The following DOK6 variants were observed in gnomAD, a reference collection of about 807,000 sequenced individuals.
DOK6 encodes the protein docking protein 6.
DOK6 carries 22 observed loss-of-function variants against 44.0 expected under a neutral mutation model. That is an observed-to-expected ratio of 0.50 (90% CI 0.36 to 0.71). The LOEUF is 0.71. Among genes scored for constraint, DOK6 ranks in the 30% least tolerant of loss-of-function variants. DOK6 has a pLI of 0.00. For synonymous variants in DOK6, 166 were observed against 145.5 expected (o/e 1.14, Z -1.01); for missense variants, 340 against 416.4 (o/e 0.82, Z 1.60).
At position 69,563,193 on chromosome 18, in the gene DOK6, A is replaced by T. The variant is rs1387531573; in HGVS notation, c.67-1294A>T. Among the ~76,000 whole-genome samples, 6 of 152,230 alleles carry T rather than the reference A, an allele frequency of 3.9e-5. No homozygotes were observed. The East Asian group carries it at 1.2e-3, about 29-fold the overall frequency. ...TGTGGAGAAATAGGAACACTTTTAC[A>T]CTGTTGGTGGGACTGTAAACTAGTT... On this transcript the variant is annotated intron_variant, in intron 1 of 7. Transcript: ENST00000382713.
Position 69,841,252 on chromosome 18 carries a change from T to C in DOK6, c.865T>C (p.Phe289Leu), listed in dbSNP as rs770208685. Reference protein sequence around the residue: ...GEIYSLQGHGFGSSKMSRAQT... With the variant: ...GEIYSLQGHGLGSSKMSRAQT... Reference sequence around the variant, plus strand: ...CCTTTCTTCCTCTCTAGGTCATGGGTTTGGTTCGTCAAAGATGTCTCGTGC... The same window carrying C: ...CCTTTCTTCCTCTCTAGGTCATGGGCTTGGTTCGTCAAAGATGTCTCGTGC... The change falls in exon 8 of 8, where the codon TTT (phenylalanine) becomes CTT (leucine). Residue 289 changes from phenylalanine to leucine, a missense_variant. Transcript: ENST00000382713. 4 of 1,614,194 alleles carry C rather than the reference T, an allele frequency of 2.5e-6. No individual in the cohort carries two copies. In the East Asian group the frequency reaches 8.9e-5, roughly 36 times the overall value.
intron 3 of DOK6, among the ~76,000 whole-genome samples, chr18:69,612,520 T>C (rs1487910230): frequency 5.7e-5 from 6 of 106,084 alleles, no homozygotes; most frequent in African/African-American, 2.2e-4. Flanking sequence ...CTCGTCTGCC[T>C]ACCCCAGCCT....
intron 3 of DOK6, among the ~76,000 whole-genome samples, chr18:69,673,464 T>C (rs1250250998): frequency 6.6e-6 from 1 of 152,182 alleles, no homozygotes; most frequent in African/African-American, 2.4e-5. Flanking sequence ...CATGTCACTG[T>C]ATTGTAAGAC....
intron 7 of DOK6, among the ~76,000 whole-genome samples, chr18:69,804,953 A>C (rs980545126): frequency 4.6e-5 from 7 of 152,182 alleles, no homozygotes; most frequent in Admixed American, 6.6e-5. Flanking sequence ...CGTACGAAGG[A>C]ATATGAACAG....
chr18:69,835,909 T>C (rs568217502), intron 7 of DOK6, among the ~76,000 whole-genome samples: 1 of 152,352 alleles, frequency 6.6e-6, no homozygotes, highest in East Asian at 1.9e-4. Flanking sequence ...TACTGCAAGT[T>C]TTATGCTTTG....
chr18:69,844,089 G>C lies in DOK6; in HGVS notation c.*2706G>C, dbSNP rs989710993. The C allele has an allele frequency of 1.4e-4, 22 of 152,180 alleles. No homozygotes were observed. Among genetic ancestry groups the C allele is most frequent in the African/African-American group, 4.8e-4 (20 of 41,438 alleles). 9.4% of individuals were successfully genotyped at this position (152,180 alleles called of 1,614,324 possible). On this transcript the variant is annotated 3_prime_UTR_variant, in exon 8 of 8. Transcript: ENST00000382713. ...CAATTTCACTGGAGCAACCAGAAGGGTCATGGAGATGTATACCACTCGCTT... is the reference window on the plus strand; with the variant it reads ...CAATTTCACTGGAGCAACCAGAAGGCTCATGGAGATGTATACCACTCGCTT...
intron 2 of DOK6, among the ~76,000 whole-genome samples, chr18:69,596,795 T>C (rs1009185826): frequency 1.3e-5 from 2 of 152,194 alleles, no homozygotes; most frequent in East Asian, 1.9e-4. Context: ...TTTTTTCCTC[T>C]GAACTGACTT....
chr18:69,706,574 T>C (rs970450418), intron 5 of DOK6, among the ~76,000 whole-genome samples: 1 of 151,966 alleles, frequency 6.6e-6, no homozygotes, highest in Admixed American at 6.5e-5. Context: ...GTGCACAATG[T>C]GCAGGTTAGT....
At chr18:69,591,593 G>A (rs982804928) in intron 2 of DOK6, among the ~76,000 whole-genome samples, 34 of 72,330 alleles carry the variant, frequency 4.7e-4, no homozygotes, top group Non-Finnish European at 1.3e-3. Flanking sequence ...GACTAAGGTC[G>A]ATATTAAATA....
chr18:69,817,332 C>T (rs1440781866), intron 7 of DOK6, among the ~76,000 whole-genome samples: 1 of 152,070 alleles, frequency 6.6e-6, no homozygotes, highest in African/African-American at 2.4e-5. Flanking sequence ...TAAAAATAAT[C>T]CTTAAGGTTA....
chr18:69,768,806 G>A (rs982277379), intron 7 of DOK6, among the ~76,000 whole-genome samples: 2 of 151,866 alleles, frequency 1.3e-5, no homozygotes, highest in Non-Finnish European at 2.9e-5. Flanking sequence ...CTCTTTGAAA[G>A]TTCTAGCACC....
At chr18:69,510,937 G>A (rs1981349675) in intron 1 of DOK6, among the ~76,000 whole-genome samples, 1 of 151,982 alleles carries the variant, frequency 6.6e-6, no homozygotes, top group Non-Finnish European at 1.5e-5. Context: ...ATGTTACCAA[G>A]TCATAGATGA....
At position 69,739,112 on chromosome 18, in the gene DOK6, C is replaced by T. The variant is rs1380259835; in HGVS notation, c.738+9C>T. ...TGGAACAGAAGGCCCGGGTAAGGCC[C>T]CTTCCTTGGTAACCTATCAGCTTGG... is the stretch of plus-strand genomic sequence containing the variant. On this transcript the variant is annotated intron_variant, in intron 6 of 7. Transcript: ENST00000382713. The T allele has an allele frequency of 6.2e-7, 1 of 1,613,344 alleles. No homozygotes were observed. Among genetic ancestry groups the T allele is most frequent in the African/African-American group, 1.3e-5 (1 of 74,894 alleles).
Position 69,659,867 on chromosome 18 carries a change from AAACATATATGTATGTTTTATATATAT to A in DOK6, c.290-17787_290-17762del, listed in dbSNP as rs1568325212. ...TATGTATGTTATATATATATATATA[AAACATATATGTATGTTTTATATATAT>A]AACATATATGTATGTTTTATATATA... On this transcript the variant is annotated intron_variant, in intron 3 of 7. Transcript: ENST00000382713. 2.0e-4 allele frequency: 6 copies of A among 30,406 alleles called. 1 individual carries two copies. Among genetic ancestry groups the A allele is most frequent in the African/African-American group, 5.3e-4 (6 of 11,410 alleles). 1.9% of individuals were successfully genotyped at this position (30,406 alleles called of 1,614,324 possible).
At chr18:69,427,562 C>G (rs2122417605) in intron 1 of DOK6, among the ~76,000 whole-genome samples, 1 of 152,266 alleles carries the variant, frequency 6.6e-6, no homozygotes, top group African/African-American at 2.4e-5. Context: ...CCTCAAAGAC[C>G]TAAAGACAGA....
chr18:69,488,865 C>G (rs1980658387), intron 1 of DOK6, among the ~76,000 whole-genome samples: 1 of 152,128 alleles, frequency 6.6e-6, no homozygotes, highest in Non-Finnish European at 1.5e-5. Context: ...GTGTCACTTC[C>G]TTTTATGTGA....
At chr18:69,756,649 A>G (rs1979364955) in intron 6 of DOK6, among the ~76,000 whole-genome samples, 1 of 152,198 alleles carries the variant, frequency 6.6e-6, no homozygotes, top group Non-Finnish European at 1.5e-5. Context: ...TACTTTCCTG[A>G]TAGCATCTTC....
chr18:69,823,277 G>A (rs572799666), intron 7 of DOK6, among the ~76,000 whole-genome samples: 2 of 152,324 alleles, frequency 1.3e-5, no homozygotes, highest in Admixed American at 6.5e-5. Context: ...GATGAGAGAT[G>A]AAATAGAGGT....
At chr18:69,582,051 T>C (rs753337127) in intron 2 of DOK6, among the ~76,000 whole-genome samples, 3 of 152,182 alleles carry the variant, frequency 2.0e-5, no homozygotes, top group Non-Finnish European at 4.4e-5. Flanking sequence ...TCCTGTTTGT[T>C]GAAATTAGTC....
Sources: gnomAD v4.1 joint callset for allele counts (sites outside exome capture counted in the v4.1 genomes callset) on GRCh38, gnomAD v4.1.1 for gene constraint, MANE v1.5 for transcripts, NCBI Gene and HGNC (gene_info 2026-07-23, HGNC 2026-07-21) for gene names.